Variants in COL21A1 observed in about 807,000 individuals in gnomAD.
COL21A1 encodes the protein collagen type XXI alpha 1 chain.
In COL21A1, 149 loss-of-function variants were observed where a neutral mutation model predicts 137.9. The ratio of observed to expected loss-of-function variants is 1.08; its 90% CI spans 0.95 to 1.24. The LOEUF is 1.24. Among genes scored for constraint, COL21A1 ranks in the 50% most tolerant of loss-of-function variants. COL21A1 has a pLI of 0.00. For synonymous variants in COL21A1, 456 were observed against 391.5 expected, an observed-to-expected ratio of 1.16 and a Z score of -1.95; for missense variants, 1,167 against 1,158.4, an observed-to-expected ratio of 1.01 and a Z score of -0.11.
At position 56,063,427 on chromosome 6, in the gene COL21A1, T is replaced by C. The variant is rs533116726; in HGVS notation, c.2172+1151A>G. 2.7e-5 allele frequency among the ~76,000 whole-genome samples: 4 copies of C among 148,106 alleles called. No individual in the cohort carries two copies. In the South Asian group the frequency reaches 8.8e-4, roughly 32 times the overall value. On this transcript the variant is annotated intron_variant, in intron 24 of 29. Transcript: ENST00000244728. ...TGTTTTGTGATTGACTTAAGGAAAC[T>C]CAGAGAGTTGATCTGTGTTGCCAGG...
intron 17 of COL21A1, among the ~76,000 whole-genome samples, chr6:56,095,669 C>T (rs1008732862): frequency 6.6e-6 from 1 of 152,136 alleles, no homozygotes; most frequent in African/African-American, 2.4e-5. Context: ...ATGCTTTCTT[C>T]TGCCTCTATA....
chr6:56,137,485 A>G (rs887420351), intron 12 of COL21A1, among the ~76,000 whole-genome samples: 1 of 152,180 alleles, frequency 6.6e-6, no homozygotes, highest in African/African-American at 2.4e-5. Context: ...TTAATCCACT[A>G]AAATAATTCC....
chr6:56,067,521 G>T (rs530926706), intron 22 of COL21A1, among the ~76,000 whole-genome samples, 191 bp from the exon 23 acceptor site: 1 of 151,752 alleles, frequency 6.6e-6, no homozygotes, highest in South Asian at 2.1e-4. Flanking sequence ...AAATGATATT[G>T]TAAAAGAACA....
Position 56,202,899 on chromosome 6 carries a change from G to A in COL21A1, c.-38-20243C>T, listed in dbSNP as rs1582631829. Among the ~76,000 whole-genome samples, 3 of 152,198 alleles carry A rather than the reference G, an allele frequency of 2.0e-5. No individual in the cohort carries two copies. The East Asian group carries it at 5.8e-4, about 29-fold the overall frequency. On this transcript the variant is annotated intron_variant, in intron 1 of 29. Transcript: ENST00000244728. ...AGTACAAGCCAAGAAATGGTGTACA[G>A]TGTATTTTATTTGCCTGTGCCAGCA...
chr6:56,352,368 G>A (rs1457025619), intron 1 of COL21A1, among the ~76,000 whole-genome samples: 1 of 151,988 alleles, frequency 6.6e-6, no homozygotes, highest in African/African-American at 2.4e-5. Context: ...AGTGGCAAAG[G>A]AAGGTTTCCA....
intron 1 of COL21A1, among the ~76,000 whole-genome samples, chr6:56,182,985 C>A (rs1778013839): frequency 6.6e-6 from 1 of 152,108 alleles, no homozygotes; most frequent in South Asian, 2.1e-4. Flanking sequence ...TTTTTACTAT[C>A]TGAATATTAG....
intron 1 of COL21A1, among the ~76,000 whole-genome samples, chr6:56,213,027 G>C (rs1397283096): frequency 6.6e-6 from 1 of 152,010 alleles, no homozygotes; most frequent in Admixed American, 6.6e-5. Flanking sequence ...AATTAGGTGT[G>C]ACTGCTATCT....
chr6:56,100,033 T>G (rs1370657176), intron 17 of COL21A1, among the ~76,000 whole-genome samples: 2 of 152,218 alleles, frequency 1.3e-5, no homozygotes, highest in Non-Finnish European at 2.9e-5. Flanking sequence ...CAATGACAAA[T>G]GAATAAGGTT....
intron 1 of COL21A1, among the ~76,000 whole-genome samples, chr6:56,334,652 CAG>C (rs1405837073): frequency 6.6e-6 from 1 of 152,084 alleles, no homozygotes; most frequent in Non-Finnish European, 1.5e-5. Context: ...TTGGTTGGCT[CAG>C]AGTCTTGACT....
intron 1 of COL21A1, among the ~76,000 whole-genome samples, chr6:56,283,986 A>G (rs1183226147): frequency 6.6e-6 from 1 of 152,014 alleles, no homozygotes; most frequent in Non-Finnish European, 1.5e-5. Flanking sequence ...GGGTGAGGTG[A>G]TTTCCTCAAT....
Position 56,390,408 on chromosome 6 carries a change from T to C in COL21A1, c.-39+3563A>G, listed in dbSNP as rs560022047. ...AATCACTTTTACACAAATTACAAAA[T>C]GGCAGTAGTAAGTCCTTACCTATCG... is the stretch of plus-strand genomic sequence containing the variant. On this transcript the variant is annotated intron_variant, in intron 1 of 28. Transcript: ENST00000370819. 5.3e-5 allele frequency among the ~76,000 whole-genome samples: 8 copies of C among 151,740 alleles called. No individual in the cohort carries two copies. In the South Asian group the frequency reaches 1.0e-3, roughly 20 times the overall value.
intron 1 of COL21A1, among the ~76,000 whole-genome samples, chr6:56,199,122 A>G (rs1468742666): frequency 6.6e-6 from 1 of 152,038 alleles, no homozygotes; most frequent in African/African-American, 2.4e-5. Flanking sequence ...ACCTGTATCC[A>G]GAACTGCTTA....
At chr6:56,065,928 C>A (rs77990541) in intron 23 of COL21A1, among the ~76,000 whole-genome samples, 7,172 of 151,884 alleles carry the variant, frequency 0.047, 212 homozygotes, top group Middle Eastern at 0.075. Flanking sequence ...TTGCAGTAGC[C>A]CAGGACCCCT....
chr6:56,238,093 C>T (rs1001987447), intron 1 of COL21A1, among the ~76,000 whole-genome samples: 5 of 152,110 alleles, frequency 3.3e-5, no homozygotes, highest in Non-Finnish European at 7.4e-5. Flanking sequence ...TTAGCCTTCA[C>T]ATTACTGGGT....
intron 1 of COL21A1, among the ~76,000 whole-genome samples, chr6:56,340,739 C>T (rs939978001): frequency 2.0e-5 from 3 of 152,196 alleles, no homozygotes; most frequent in African/African-American, 4.8e-5. Flanking sequence ...TTTTCTCACA[C>T]TGGAGTCATT....
chr6:56,242,859 T>C (rs908131966), intron 1 of COL21A1, among the ~76,000 whole-genome samples: 4 of 152,210 alleles, frequency 2.6e-5, no homozygotes, highest in Non-Finnish European at 5.9e-5. Context: ...TAAACTGTGA[T>C]AAGTGGAACA....
chr6:56,190,723 A>G (rs1156618055), intron 1 of COL21A1, among the ~76,000 whole-genome samples: 1 of 152,206 alleles, frequency 6.6e-6, no homozygotes, highest in Non-Finnish European at 1.5e-5. Flanking sequence ...CCAGCAGCAC[A>G]TCAAAAACTT....
intron 1 of COL21A1, among the ~76,000 whole-genome samples, chr6:56,268,041 G>A (rs1763435076): frequency 6.6e-6 from 1 of 152,188 alleles, no homozygotes; most frequent in Non-Finnish European, 1.5e-5. Context: ...CAAGGGTCTG[G>A]AAGATGGAAC....
chr6:56,143,269 C>T (rs1774568765), intron 10 of COL21A1, among the ~76,000 whole-genome samples: 1 of 147,120 alleles, frequency 6.8e-6, no homozygotes, highest in South Asian at 2.2e-4. Context: ...GGTGCAATCT[C>T]GGCTCACTAC....
Sources: allele counts gnomAD v4.1 joint callset (sites outside exome capture counted in the v4.1 genomes callset), GRCh38; gene constraint gnomAD v4.1.1; transcripts MANE v1.5; gene names NCBI Gene and HGNC (gene_info 2026-07-23, HGNC 2026-07-21).